SEMA3E: variants seen among roughly 807,000 people sequenced by gnomAD.
SEMA3E encodes the protein semaphorin-3E.
Under a neutral mutation model 93.6 loss-of-function variants are expected in SEMA3E, and 49 were observed. That is an observed-to-expected ratio of 0.52 (90% CI 0.42 to 0.66). SEMA3E has a LOEUF of 0.66. Ranked by LOEUF, SEMA3E falls within the 30% of genes least tolerant of loss-of-function variation. The pLI is 0.00. For missense variants in SEMA3E, 906 were observed against 964.8 expected, an observed-to-expected ratio of 0.94 and a Z score of 0.81; for synonymous variants, 363 against 330.7, an observed-to-expected ratio of 1.10 and a Z score of -1.06.
chr7:83,403,030 T>A lies in SEMA3E; in HGVS notation c.999-254A>T, dbSNP rs192975302. ...TTACAATGACAAAAATAATGTTACT[T>A]CAGTTATTTTTAAACCTTGTGTTTT... is the stretch of plus-strand genomic sequence containing the variant. On this transcript the variant is annotated intron_variant, in intron 9 of 16. Transcript: ENST00000643230. Among the ~76,000 whole-genome samples the A allele has an allele frequency of 3.3e-5, 5 of 152,136 alleles. No homozygotes were observed. The East Asian group carries it at 9.7e-4, about 29-fold the overall frequency.
intron 1 of SEMA3E, among the ~76,000 whole-genome samples, chr7:83,626,132 T>C (rs962453093): frequency 6.6e-6 from 1 of 152,198 alleles, no homozygotes; most frequent in African/African-American, 2.4e-5. Context: ...GATTTTCACA[T>C]CAATGTTCAT....
chr7:83,558,155 A>C (rs1791958609), intron 1 of SEMA3E, among the ~76,000 whole-genome samples: 7 of 152,168 alleles, frequency 4.6e-5, no homozygotes, highest in Non-Finnish European at 1.5e-5. Flanking sequence ...CAATGTAGTA[A>C]ACAATTTCAG....
chr7:83,494,288 GA>G (rs796262066), intron 1 of SEMA3E, among the ~76,000 whole-genome samples: 12 of 141,090 alleles, frequency 8.5e-5, no homozygotes, highest in East Asian at 2.0e-4. Context: ...TGTAACACAA[GA>G]AAAAAAAAAC....
At chr7:83,409,868 G>A (rs1189156451) in intron 5 of SEMA3E, among the ~76,000 whole-genome samples, 1 of 151,434 alleles carries the variant, frequency 6.6e-6, no homozygotes, top group African/African-American at 2.4e-5. Flanking sequence ...AAGCATTTTT[G>A]TATGATTTAA....
chr7:83,482,544 G>A (rs943889193), intron 2 of SEMA3E, among the ~76,000 whole-genome samples: 5 of 117,350 alleles, frequency 4.3e-5, no homozygotes, highest in Non-Finnish European at 6.4e-5. Context: ...CAGCCTGCGC[G>A]ACAGAGCCAC....
intron 1 of SEMA3E, among the ~76,000 whole-genome samples, chr7:83,498,380 A>G (rs1164566657): frequency 6.6e-6 from 1 of 152,230 alleles, no homozygotes; most frequent in Non-Finnish European, 1.5e-5. Context: ...GATCAATATA[A>G]TTCTATAAAT....
rs1794668237 is a variant in SEMA3E at position 83,366,402 on chromosome 7, A to G, written c.*1184T>C. 6.6e-6 allele frequency: 1 copy of G among 152,020 alleles called. No homozygotes were observed. The highest frequency in any genetic ancestry group is 6.5e-5 in the Admixed American group (1 of 15,270). 9.4% of individuals were successfully genotyped at this position (152,020 alleles called of 1,614,324 possible). ...GAGGTAAAAATGCTCTGAATATCTC[A>G]GTAGTTAAGTGAACTCATGAAACAA... On this transcript the variant is annotated 3_prime_UTR_variant, in exon 17 of 17. Coordinates refer to ENST00000643230, the MANE Select transcript of SEMA3E (RefSeq NM_012431.3).
chr7:83,555,970 C>T (rs574426332), intron 1 of SEMA3E, among the ~76,000 whole-genome samples: 2 of 152,226 alleles, frequency 1.3e-5, no homozygotes, highest in Admixed American at 6.5e-5. Context: ...TACTTTTTAA[C>T]TTCTGTTTTT....
intron 1 of SEMA3E, among the ~76,000 whole-genome samples, chr7:83,582,727 A>AT (rs1033027298): frequency 2.0e-5 from 3 of 152,048 alleles, no homozygotes; most frequent in African/African-American, 7.2e-5. Context: ...TCTCCTTTGA[A>AT]TTTTTTTAGA....
intron 1 of SEMA3E, among the ~76,000 whole-genome samples, chr7:83,553,046 C>A (rs150601645): frequency 2.4e-3 from 365 of 152,186 alleles, no homozygotes; most frequent in African/African-American, 8.6e-3. Context: ...TACTCCTGTT[C>A]TTATACCCTC....
Position 83,367,434 on chromosome 7 carries a change from T to C in SEMA3E, c.*152A>G. ...TGTAAAGTTTATCCAGTCAAATGAG[T>C]ATGTAGAATAATTTATTATAACACC... On this transcript the variant is annotated 3_prime_UTR_variant, in exon 17 of 17. Transcript: ENST00000643230. The C allele has an allele frequency of 1.3e-6, 1 of 752,246 alleles. No individual in the cohort carries two copies. Among genetic ancestry groups the C allele is most frequent in the Non-Finnish European group, 2.3e-6 (1 of 443,840 alleles). 46.6% of individuals were successfully genotyped at this position (752,246 alleles called of 1,614,324 possible). A position where few individuals can be genotyped will look rare whatever the true frequency, so the allele number is the denominator to read the frequency against.
chr7:83,582,603 C>A (rs1792536475), intron 1 of SEMA3E, among the ~76,000 whole-genome samples: 1 of 152,080 alleles, frequency 6.6e-6, no homozygotes, highest in Non-Finnish European at 1.5e-5. Context: ...AACTTCCCAA[C>A]AGCACAGACC....
At chr7:83,410,899 A>G (rs1788427501) in intron 5 of SEMA3E, among the ~76,000 whole-genome samples, 1 of 152,102 alleles carries the variant, frequency 6.6e-6, no homozygotes, top group Non-Finnish European at 1.5e-5. Flanking sequence ...AATATAATTT[A>G]TTTCGCTACT....
intron 1 of SEMA3E, among the ~76,000 whole-genome samples, chr7:83,492,425 C>A (rs900369047): frequency 6.6e-6 from 1 of 151,966 alleles, no homozygotes; most frequent in African/African-American, 2.4e-5. Context: ...AATTTGCCTA[C>A]TTTCTAAGTA....
In SEMA3E at chr7:83,406,077, G is replaced by C. The variant is rs1027659475; in HGVS notation, c.814-18C>G. On this transcript the variant is annotated intron_variant, in intron 7 of 16. Coordinates refer to ENST00000643230, the MANE Select transcript of SEMA3E (RefSeq NM_012431.3). Reference sequence around the variant, plus strand: ...ACATCATTCTGTGAAAACCAAAAAGGAGGTAAATAGTTACCTAAAGAATTT... The same window carrying C: ...ACATCATTCTGTGAAAACCAAAAAGCAGGTAAATAGTTACCTAAAGAATTT... 2.6e-6 allele frequency: 4 copies of C among 1,538,472 alleles called. No homozygotes were observed. The highest frequency in any genetic ancestry group is 2.7e-6 in the Non-Finnish European group (3 of 1,111,638).
At chr7:83,426,971 TTAATA>T (rs1272776717) in intron 4 of SEMA3E, among the ~76,000 whole-genome samples, 10 of 152,054 alleles carry the variant, frequency 6.6e-5, no homozygotes, top group African/African-American at 2.2e-4. Flanking sequence ...CTTGCTAGGA[TTAATA>T]TATTAAAGTT....
At chr7:83,414,153 T>C (rs1281388214) in intron 5 of SEMA3E, among the ~76,000 whole-genome samples, 1 of 152,168 alleles carries the variant, frequency 6.6e-6, no homozygotes, top group Non-Finnish European at 1.5e-5. Context: ...TATGTTTCTA[T>C]ATAGTTGAGG....
chr7:83,405,375 A>G (rs1394533908), intron 9 of SEMA3E, 75 bp downstream of exon 9: 1 of 1,050,298 alleles, frequency 9.5e-7, no homozygotes, highest in Admixed American at 1.7e-5. Context: ...TTCAACTTAT[A>G]TACACCATGA....
chr7:83,582,282 A>G (rs1792532323), intron 1 of SEMA3E, among the ~76,000 whole-genome samples: 1 of 151,052 alleles, frequency 6.6e-6, no homozygotes, highest in East Asian at 1.9e-4. Flanking sequence ...AGCTTCATTT[A>G]TGATTAATGA....
Sources: gnomAD v4.1 joint callset for allele counts (sites outside exome capture counted in the v4.1 genomes callset) on GRCh38, gnomAD v4.1.1 for gene constraint, MANE v1.5 for transcripts, NCBI Gene and HGNC (gene_info 2026-07-23, HGNC 2026-07-21) for gene names.